The following TMEM178B variants were observed in gnomAD, a reference collection of about 807,000 sequenced individuals.
TMEM178B encodes transmembrane protein 178B.
In TMEM178B, 5 loss-of-function variants were observed where a neutral mutation model predicts 31.0. The ratio of observed to expected loss-of-function variants is 0.16; its 90% CI spans 0.08 to 0.34. The LOEUF is 0.34. TMEM178B is among the 10% of genes least tolerant of loss of function. The probability of loss-of-function intolerance (pLI) is 1.00; values close to 1 mark genes in which losing one functional copy is unlikely to be tolerated. For synonymous variants in TMEM178B, 164 were observed against 164.0 expected (o/e 1.00, Z 0.00); for missense variants, 275 against 400.3 (o/e 0.69, Z 2.67).
chr7:141,387,379 A>G (rs186188881), intron 2 of TMEM178B, among the ~76,000 whole-genome samples: 2 of 152,270 alleles, frequency 1.3e-5, no homozygotes, highest in African/African-American at 4.8e-5. Context: ...CACCATAGAA[A>G]AGATAGTTTG....
chr7:141,222,368 T>C (rs1439641735), intron 2 of TMEM178B, among the ~76,000 whole-genome samples: 3 of 152,214 alleles, frequency 2.0e-5, no homozygotes, highest in Non-Finnish European at 2.9e-5. Flanking sequence ...CCAGCAGATA[T>C]TGGATTGAGT....
At chr7:141,249,563 C>T (rs1797796346) in intron 2 of TMEM178B, among the ~76,000 whole-genome samples, 1 of 152,130 alleles carries the variant, frequency 6.6e-6, no homozygotes, top group Non-Finnish European at 1.5e-5. Context: ...AGTGAGAGGG[C>T]AGAAGAAGGC....
chr7:141,332,017 A>T (rs533155883), intron 2 of TMEM178B, among the ~76,000 whole-genome samples: 3 of 152,234 alleles, frequency 2.0e-5, no homozygotes, highest in Admixed American at 1.3e-4. Flanking sequence ...CAGGACACTT[A>T]CCTGTACCCC....
At chr7:141,204,393 C>T (rs899013050) in intron 1 of TMEM178B, among the ~76,000 whole-genome samples, 8 of 152,156 alleles carry the variant, frequency 5.3e-5, no homozygotes, top group African/African-American at 9.7e-5. Flanking sequence ...AGTTGCTCAG[C>T]GTGGGCTCAG....
chr7:141,428,506 G>A (rs1285893334), intron 2 of TMEM178B, among the ~76,000 whole-genome samples: 1 of 152,052 alleles, frequency 6.6e-6, no homozygotes, highest in Non-Finnish European at 1.5e-5. Flanking sequence ...AAATGGCAGC[G>A]TTTAACTGGT....
chr7:141,294,153 C>T (rs1251737388), intron 2 of TMEM178B, among the ~76,000 whole-genome samples: 1 of 152,130 alleles, frequency 6.6e-6, no homozygotes, highest in Non-Finnish European at 1.5e-5. Context: ...TTCTTGCTCA[C>T]TCCCAAAGTG....
intron 1 of TMEM178B, among the ~76,000 whole-genome samples, chr7:141,200,015 C>G (rs1297490339): frequency 6.6e-6 from 1 of 151,976 alleles, no homozygotes; most frequent in East Asian, 1.9e-4. Context: ...AGTGTCACTG[C>G]ACCCCAGCCT....
intron 1 of TMEM178B, among the ~76,000 whole-genome samples, chr7:141,168,429 A>G (rs1379121892): frequency 1.3e-5 from 2 of 152,184 alleles, no homozygotes; most frequent in Non-Finnish European, 2.9e-5. Flanking sequence ...ACTACATCAA[A>G]GGGGCAAACT....
At chr7:141,327,830 AT>A (rs1265972778) in intron 2 of TMEM178B, among the ~76,000 whole-genome samples, 1 of 152,210 alleles carries the variant, frequency 6.6e-6, no homozygotes, top group African/African-American at 2.4e-5. Context: ...AAGTTGCATT[AT>A]AGTTGAAAAC....
chr7:141,153,257 C>G (rs1796007840), intron 1 of TMEM178B, among the ~76,000 whole-genome samples: 1 of 152,160 alleles, frequency 6.6e-6, no homozygotes, highest in East Asian at 1.9e-4. Flanking sequence ...CCCATCTCTG[C>G]AATATATTTT....
chr7:141,189,775 A>G (rs1236613552), intron 1 of TMEM178B, among the ~76,000 whole-genome samples: 1 of 152,168 alleles, frequency 6.6e-6, no homozygotes, highest in East Asian at 1.9e-4. Context: ...TGGAGTTTAG[A>G]GAGGGGTGGC....
chr7:141,355,511 T>C (rs770769759), intron 2 of TMEM178B, among the ~76,000 whole-genome samples: 1 of 151,974 alleles, frequency 6.6e-6, no homozygotes, highest in Non-Finnish European at 1.5e-5. Flanking sequence ...TTCAGTGAGG[T>C]GGGGTGTGTA....
chr7:141,487,995 C>T, the TMEM178B span, among the ~76,000 whole-genome samples: 1 of 151,724 alleles, frequency 6.6e-6, no homozygotes, highest in African/African-American at 2.4e-5. Context: ...GTTTTAATAA[C>T]CTGATAAATG....
In TMEM178B at chr7:141,346,978, G is replaced by C. The variant is rs556988325; in HGVS notation, c.497-90630G>C. On this transcript the variant is annotated intron_variant, in intron 2 of 3. Transcript: ENST00000565468. Reference sequence around the variant, plus strand: ...ATCGCCCTAGTGCTGTCTCATGATGGAGTTCTCACAAGATCTGATGGTTTA... The same window carrying C: ...ATCGCCCTAGTGCTGTCTCATGATGCAGTTCTCACAAGATCTGATGGTTTA... Among the ~76,000 whole-genome samples the C allele has an allele frequency of 5.9e-5, 9 of 152,142 alleles. No individual in the cohort carries two copies. The South Asian group carries it at 1.9e-3, about 32-fold the overall frequency.
chr7:141,201,779 G>T lies in TMEM178B; in HGVS notation c.383-10812G>T, dbSNP rs552321867. On this transcript the variant is annotated intron_variant, in intron 1 of 3. Coordinates refer to ENST00000565468, the MANE Select transcript of TMEM178B (RefSeq NM_001195278.2). Reference sequence around the variant, plus strand: ...TGAGGAGCTATCTTCTCTCCAGCTTGTTAAGGGAGCTATGGAAGCAAACAT... The same window carrying T: ...TGAGGAGCTATCTTCTCTCCAGCTTTTTAAGGGAGCTATGGAAGCAAACAT... Among the ~76,000 whole-genome samples, 6 of 152,274 alleles carry T rather than the reference G, an allele frequency of 3.9e-5. No homozygotes were observed. In the South Asian group the frequency reaches 1.2e-3, roughly 32 times the overall value.
chr7:141,362,274 C>T (rs1799929575), intron 2 of TMEM178B, among the ~76,000 whole-genome samples: 1 of 152,274 alleles, frequency 6.6e-6, no homozygotes, highest in Admixed American at 6.5e-5. Context: ...GGGTGCCCCA[C>T]CAGGGCCATT....
intron 2 of TMEM178B, among the ~76,000 whole-genome samples, chr7:141,322,364 A>G (rs1415003280): frequency 2.8e-5 from 1 of 35,614 alleles, no homozygotes; most frequent in Non-Finnish European, 4.9e-5. Context: ...CCATCTTACT[A>G]AAAAAAAAAA....
chr7:141,300,252 G>T (rs1011371833), intron 2 of TMEM178B, among the ~76,000 whole-genome samples: 1 of 152,146 alleles, frequency 6.6e-6, no homozygotes, highest in Non-Finnish European at 1.5e-5. Context: ...TGTTGCCACC[G>T]TTGCCTGCCC....
At position 141,478,170 on chromosome 7, in the gene TMEM178B, C is replaced by T. The variant is rs1802408670; in HGVS notation, c.*7384C>T. ...GTAGGCAGAAGATGTGGGTTGGGAG[C>T]AGAGGTAAGATGAACGGAGCTTTGG... On this transcript the variant is annotated 3_prime_UTR_variant, in exon 4 of 4. Transcript: ENST00000565468. 1 of 152,854 alleles carries T rather than the reference C, an allele frequency of 6.5e-6. No homozygotes were observed. Among genetic ancestry groups the T allele is most frequent in the Non-Finnish European group, 1.5e-5 (1 of 68,366 alleles). The allele number at this position is 152,854 out of a possible 1,614,324, so 9.5% of individuals were successfully genotyped here.
Sources: allele counts gnomAD v4.1 joint callset (sites outside exome capture counted in the v4.1 genomes callset), GRCh38; gene constraint gnomAD v4.1.1; transcripts MANE v1.5; gene names NCBI Gene and HGNC (gene_info 2026-07-23, HGNC 2026-07-21).